The following SLC7A6 variants were observed in gnomAD, a reference collection of about 807,000 sequenced individuals.
SLC7A6 encodes the protein Y+L amino acid transporter 2.
In SLC7A6, 29 loss-of-function variants were observed where a neutral mutation model predicts 46.6. The observed-to-expected ratio is 0.62, with a 90% CI of 0.46 to 0.85. The LOEUF is 0.85. Ranked by LOEUF, SLC7A6 falls within the 40% of genes least tolerant of loss-of-function variation. SLC7A6 has a pLI of 0.00. For missense variants in SLC7A6, 527 were observed against 647.6 expected, an observed-to-expected ratio of 0.81 and a Z score of 2.02; for synonymous variants, 276 against 257.3, an observed-to-expected ratio of 1.07 and a Z score of -0.70.
rs2043212288 is a variant in SLC7A6 at position 68,298,392 on chromosome 16, C to T, written c.*1064C>T. 6.6e-6 allele frequency: 1 copy of T among 152,592 alleles called. No individual in the cohort carries two copies. Among genetic ancestry groups the T allele is most frequent in the South Asian group, 2.1e-4 (1 of 4,834 alleles). The allele number at this position is 152,592 out of a possible 1,614,324, so 9.5% of individuals were successfully genotyped here. ...CTCTCTGTAAGGGCAGTGTGAGGGA[C>T]TGCTGTGCAGACCCAAGCAATCCCA... On this transcript the variant is annotated 3_prime_UTR_variant, in exon 11 of 11. Transcript: ENST00000219343.
chr16:68,288,241 GC>G (rs2151226533), intron 4 of SLC7A6, among the ~76,000 whole-genome samples: 1 of 152,300 alleles, frequency 6.6e-6, no homozygotes, highest in Admixed American at 6.5e-5. Flanking sequence ...GGAAGACTGG[GC>G]CCTCCTTGAG....
At chr16:68,283,410 A>C (rs2042864336) in intron 3 of SLC7A6, among the ~76,000 whole-genome samples, 2 of 152,186 alleles carry the variant, frequency 1.3e-5, no homozygotes, top group Non-Finnish European at 1.5e-5. Context: ...AAGAAGGACA[A>C]AGACACTGCC....
intron 4 of SLC7A6, among the ~76,000 whole-genome samples, chr16:68,288,216 G>A (rs1412551997): frequency 6.6e-6 from 1 of 152,162 alleles, no homozygotes; most frequent in African/African-American, 2.4e-5. Flanking sequence ...GTCTGTGACT[G>A]CCAAGCTACA....
rs190145724 is a variant in SLC7A6 at position 68,279,390 on chromosome 16, A to G, written c.523+4141A>G. 4.0e-4 allele frequency among the ~76,000 whole-genome samples: 61 copies of G among 152,278 alleles called. 1 individual carries two copies. The East Asian group carries it at 0.011, about 28-fold the overall frequency. ...CTTTCATCAAATACTCTTAGAAAAC[A>G]TGGTTTGAAGATACATAAGCAATCT... On this transcript the variant is annotated intron_variant, in intron 3 of 10. Transcript: ENST00000219343.
rs2043275902 is a variant in SLC7A6 at position 68,301,524 on chromosome 16, A to G, written c.*4196A>G. On this transcript the variant is annotated 3_prime_UTR_variant, in exon 11 of 11. Coordinates refer to ENST00000219343, the MANE Select transcript of SLC7A6 (RefSeq NM_003983.6). ...CGATTGTAATGCAAAATCCTTGCTC[A>G]ATAAATAAAAAAGAATATAGAATTC... 1.4e-6 allele frequency: 1 copy of G among 740,352 alleles called. No homozygotes were observed. The highest frequency in any genetic ancestry group is 2.6e-5 in the South Asian group (1 of 39,142). 45.9% of individuals were successfully genotyped at this position (740,352 alleles called of 1,614,324 possible).
At chr16:68,288,475 T>A (rs2042982014) in intron 4 of SLC7A6, among the ~76,000 whole-genome samples, 2 of 152,166 alleles carry the variant, frequency 1.3e-5, no homozygotes, top group African/African-American at 4.8e-5. Context: ...GTAACAGGCC[T>A]ACCAAGATCT....
chr16:68,270,779 ATTG>A (rs893280004), intron 2 of SLC7A6, among the ~76,000 whole-genome samples: 6 of 151,764 alleles, frequency 4.0e-5, no homozygotes, highest in Non-Finnish European at 5.9e-5. Flanking sequence ...TCCAAGAAAA[ATTG>A]TTGTTTGTCA....
intron 2 of SLC7A6, chr16:68,273,775 ATT>A (rs34895137): frequency 3.4e-4 from 48 of 142,970 alleles, no homozygotes; most frequent in African/African-American, 1.0e-3. Flanking sequence ...CCAGGCATGT[ATT>A]TTTTTTTTTT....
At chr16:68,283,796 A>G (rs2042874355) in intron 3 of SLC7A6, among the ~76,000 whole-genome samples, 1 of 152,208 alleles carries the variant, frequency 6.6e-6, no homozygotes, top group Non-Finnish European at 1.5e-5. Flanking sequence ...AGAAGAGGGA[A>G]GGCTTGGATG....
chr16:68,284,859 CTTTT>C lies in SLC7A6; in HGVS notation c.524-2872_524-2869del, dbSNP rs71384525. On this transcript the variant is annotated intron_variant, in intron 3 of 10. Transcript: ENST00000219343. ...CTGTCTCTTCTGTGTATTTTCTCGT[CTTTT>C]TTTTTTTTTTTTTTAGAGACAAGTT... Among the ~76,000 whole-genome samples, 25 of 95,604 alleles carry C rather than the reference CTTTT, an allele frequency of 2.6e-4. No individual in the cohort carries two copies. The East Asian group carries it at 7.9e-3, about 30-fold the overall frequency. The allele number at this position is 95,604 out of a possible 152,430, so 62.7% of individuals were successfully genotyped here.
chr16:68,301,311 G>A lies in SLC7A6; in HGVS notation c.*3983G>A, dbSNP rs199896252. ...CCAGGTCGTGGGGGCTGTCATAGCC[G>A]AACTCCTTCTGCACATCCAGAGGGT... On this transcript the variant is annotated 3_prime_UTR_variant, in exon 11 of 11. Transcript: ENST00000219343. The A allele has an allele frequency of 3.6e-5, 58 of 1,613,938 alleles. No homozygotes were observed. The highest frequency in any genetic ancestry group is 2.1e-4 in the South Asian group (19 of 91,072).
At chr16:68,294,539 G>A (rs2043123864) in intron 7 of SLC7A6, 166 bp from the exon 8 acceptor site, 2 of 603,780 alleles carry the variant, frequency 3.3e-6, no homozygotes, top group Non-Finnish European at 5.9e-6. Flanking sequence ...AGGGAAGGGG[G>A]GAGCAGGGAG....
At chr16:68,271,070 G>A (rs1162586450) in intron 2 of SLC7A6, among the ~76,000 whole-genome samples, 1 of 151,962 alleles carries the variant, frequency 6.6e-6, no homozygotes, top group Non-Finnish European at 1.5e-5. Context: ...GGCTGGTCTC[G>A]GACTCCTGGG....
intron 2 of SLC7A6, among the ~76,000 whole-genome samples, chr16:68,268,287 T>C (rs2151212842): frequency 6.6e-6 from 1 of 152,198 alleles, no homozygotes; most frequent in African/African-American, 2.4e-5. Context: ...TGTCTCCAGG[T>C]AGATAGTGTT....
chr16:68,281,300 G>C (rs2042824618), intron 3 of SLC7A6, among the ~76,000 whole-genome samples: 1 of 152,198 alleles, frequency 6.6e-6, no homozygotes, highest in Non-Finnish European at 1.5e-5. Flanking sequence ...CTCAGCCAGA[G>C]GGGAGTTTAT....
intron 6 of SLC7A6, 101 bp downstream of exon 6, chr16:68,291,433 G>A: frequency 6.3e-7 from 1 of 1,582,588 alleles, no homozygotes. Context: ...TCTGCAGGAT[G>A]AGGTCATGAG....
At chr16:68,291,138 T>TG in intron 5 of SLC7A6, 71 bp from the exon 6 acceptor site, 29 of 1,597,946 alleles carry the variant, frequency 1.8e-5, no homozygotes, top group Non-Finnish European at 2.5e-5. Context: ...AAAATCCCAG[T>TG]GGAGACTTGA....
At chr16:68,290,258 A>C in intron 4 of SLC7A6, 138 bp from the exon 5 acceptor site, 5 of 821,178 alleles carry the variant, frequency 6.1e-6, no homozygotes, top group South Asian at 2.4e-5. Context: ...GTTCCTCCCC[A>C]TTCCTCCTTT....
At chr16:68,292,904 C>G (rs749119998) in intron 7 of SLC7A6, 8 of 152,192 alleles carry the variant, frequency 5.3e-5, no homozygotes, top group Non-Finnish European at 1.0e-4. Flanking sequence ...AAATTTCTTT[C>G]CTGATTTCTC....
Sources: gnomAD v4.1 joint callset for allele counts (sites outside exome capture counted in the v4.1 genomes callset) on GRCh38, gnomAD v4.1.1 for gene constraint, MANE v1.5 for transcripts, NCBI Gene and HGNC (gene_info 2026-07-23, HGNC 2026-07-21) for gene names.